Variants in ITGAL observed in about 807,000 individuals in gnomAD.
The protein encoded by ITGAL is integrin subunit alpha L, also known as integrin alpha-L.
ITGAL carries 68 observed loss-of-function variants against 138.4 expected under a neutral mutation model. That is an observed-to-expected ratio of 0.49 (90% CI 0.40 to 0.60). The LOEUF is 0.60. Among genes scored for constraint, ITGAL ranks in the 20% least tolerant of loss-of-function variants. ITGAL has a pLI of 0.00. For missense variants in ITGAL, 1,256 were observed against 1,478.6 expected (o/e 0.85, Z 2.47); for synonymous variants, 561 against 584.3 (o/e 0.96, Z 0.57).
intron 15 of ITGAL, among the ~76,000 whole-genome samples, chr16:30,496,845 T>C (rs1164507639): frequency 6.6e-6 from 1 of 151,250 alleles, no homozygotes; most frequent in Non-Finnish European, 1.5e-5. Flanking sequence ...GGGACTTACT[T>C]TGTTGCCCCA....
At chr16:30,488,995 A>G (rs1597075914) in intron 9 of ITGAL, 87 bp from the exon 10 acceptor site, 10 of 1,041,206 alleles carry the variant, frequency 9.6e-6, no homozygotes, top group African/African-American at 1.6e-5. Flanking sequence ...AGAAGTAAAT[A>G]CCTCACTTCT....
intron 17 of ITGAL, 99 bp from the exon 18 acceptor site, chr16:30,504,076 G>C (rs2050946984): frequency 1.1e-6 from 1 of 944,758 alleles, no homozygotes; most frequent in Admixed American, 1.8e-5. Flanking sequence ...AGAACTACCA[G>C]AATTTCATCA....
intron 30 of ITGAL, among the ~76,000 whole-genome samples, chr16:30,520,954 C>A (rs556446437): frequency 3.7e-4 from 57 of 152,138 alleles, no homozygotes; most frequent in Non-Finnish European, 6.6e-4. Context: ...CATGGTGGCG[C>A]ATGCCTGTAA....
chr16:30,485,515 C>T (rs2050634331), intron 9 of ITGAL, among the ~76,000 whole-genome samples: 1 of 151,976 alleles, frequency 6.6e-6, no homozygotes, highest in Non-Finnish European at 1.5e-5. Flanking sequence ...AGCCACTGCG[C>T]CCAGCCTCTT....
At position 30,494,600 on chromosome 16, in the gene ITGAL, G is replaced by A; in HGVS notation, c.1366-113G>A. The A allele has an allele frequency of 7.4e-7, 1 of 1,343,182 alleles. No individual in the cohort carries two copies. Among genetic ancestry groups the A allele is most frequent in the South Asian group, 1.5e-5 (1 of 64,908 alleles). The allele number at this position is 1,343,182 out of a possible 1,614,324, so 83.2% of individuals were successfully genotyped here. ...GCACATAGACTAGGGGTGGATCCAA[G>A]ATTGGAACCTGCATTTGAGGGAGTG... On this transcript the variant is annotated intron_variant, in intron 12 of 30. Transcript: ENST00000356798. The surrounding 1 kb of genome is among the most constrained non-coding windows in gnomAD (Gnocchi z 4.2).
chr16:30,501,260 T>G (rs1256934324), intron 17 of ITGAL, among the ~76,000 whole-genome samples: 1 of 152,136 alleles, frequency 6.6e-6, no homozygotes, highest in African/African-American at 2.4e-5. Flanking sequence ...TACACAGCTT[T>G]CATAATTTTT....
intron 4 of ITGAL, among the ~76,000 whole-genome samples, chr16:30,478,056 G>A (rs533111546): frequency 6.6e-6 from 1 of 151,542 alleles, no homozygotes; most frequent in African/African-American, 2.4e-5. Flanking sequence ...GAAAGAAAAG[G>A]CTGGGTGCAG....
intron 9 of ITGAL, among the ~76,000 whole-genome samples, chr16:30,485,276 G>GAGTGCAGTTGCGCAGTCTCTGCTCACTTC (rs2050627652): frequency 6.9e-6 from 1 of 144,838 alleles, no homozygotes; most frequent in African/African-American, 2.6e-5. Flanking sequence ...GCCCAGGCTG[G>GAGTGCAGTTGCGCAGTCTCTGCTCACTTC]AGTGCAGTGG....
chr16:30,476,273 T>A (rs2151141713), intron 4 of ITGAL, among the ~76,000 whole-genome samples: 1 of 151,624 alleles, frequency 6.6e-6, no homozygotes, highest in African/African-American at 2.4e-5. Context: ...AGAATCTTCC[T>A]GCCTCAGCTT....
intron 7 of ITGAL, 23 bp from the exon 8 acceptor site, chr16:30,483,804 A>G (rs1172851402): frequency 6.3e-7 from 1 of 1,593,588 alleles, no homozygotes; most frequent in East Asian, 2.3e-5. Flanking sequence ...GGAGTCTCTC[A>G]TCTCCTCCTT....
chr16:30,517,124 A>G (rs1317011481), intron 26 of ITGAL, 38 bp downstream of exon 26: 1 of 1,345,484 alleles, frequency 7.4e-7, no homozygotes, highest in Non-Finnish European at 1.0e-6. Flanking sequence ...TACCCTCCTC[A>G]GGTCTTGGGG....
intron 24 of ITGAL, among the ~76,000 whole-genome samples, chr16:30,511,612 C>T (rs957678686): frequency 4.6e-5 from 7 of 152,310 alleles, no homozygotes; most frequent in African/African-American, 1.7e-4. Flanking sequence ...CTGTTTCAGT[C>T]ACCCTAGATT....
At chr16:30,514,269 C>T (rs1299454971) in intron 25 of ITGAL, among the ~76,000 whole-genome samples, 2 of 151,774 alleles carry the variant, frequency 1.3e-5, no homozygotes, top group African/African-American at 4.8e-5. Context: ...CACCACCATG[C>T]CCAGCTAATT....
At position 30,481,459 on chromosome 16, in the gene ITGAL, C is replaced by T; in HGVS notation, c.597C>T (p.Ser199=). ...TSYQFAAVQF[S]TSYKTEFDFS... ...TCTAGTTTGCTGCTGTTCAGTTTTC[C>T]ACAAGCTACAAAACAGAATTTGATT... Residue 199 remains serine (S), a synonymous_variant, in exon 7 of 31, where the codon TCC becomes TCT. Transcript: ENST00000356798. The T allele has an allele frequency of 1.2e-6, 2 of 1,611,788 alleles. No individual in the cohort carries two copies. Among genetic ancestry groups the T allele is most frequent in the Non-Finnish European group, 1.7e-6 (2 of 1,178,936 alleles).
chr16:30,521,162 T>G (rs1174755973), intron 30 of ITGAL, among the ~76,000 whole-genome samples: 1 of 152,026 alleles, frequency 6.6e-6, no homozygotes, highest in Admixed American at 6.6e-5. Flanking sequence ...ATCCCAGCAC[T>G]TTGGGAGGCC....
At position 30,511,094 on chromosome 16, in the gene ITGAL, C is replaced by T. The variant is rs765387236; in HGVS notation, c.2744C>T (p.Thr915Ile). ...SDLLEDNSAT[T>I]IIPILYPINI... is the part of the protein sequence containing the mutation. ...CTCCTGGAGGACAACTCAGCCACTA[C>T]CATCATCCCCATCCTGTACCCCATC... Residue 915 changes from threonine (T) to isoleucine (I), a missense_variant, in exon 24 of 31, where the codon ACC becomes ATC. Physicochemically the swap from Thr to Ile is moderately conservative, Grantham distance 89. Transcript: ENST00000356798. 1.2e-6 allele frequency: 2 copies of T among 1,613,940 alleles called. No individual in the cohort carries two copies. The highest frequency in any genetic ancestry group is 1.1e-5 in the South Asian group (1 of 91,064).
intron 26 of ITGAL, among the ~76,000 whole-genome samples, 185 bp from the exon 27 acceptor site, chr16:30,517,464 A>G (rs1395594011): frequency 6.6e-6 from 1 of 152,032 alleles, no homozygotes; most frequent in East Asian, 1.9e-4. Flanking sequence ...TCTCTAACAA[A>G]GAAAAAAAAA....
rs916496389 is a variant in ITGAL at position 30,513,834 on chromosome 16, G to A, written c.2850G>A (p.Lys950=). Residue 950 remains lysine, a synonymous_variant, in exon 25 of 31, where the codon AAG becomes AAA. Transcript: ENST00000356798. ...TPKGPKIHQV[K]HMYQVRIQPS... ...AAGGCCCCAAGATCCACCAAGTCAA[G>A]CACATGTACCAGGTATGAATCCCAA... is the stretch of plus-strand genomic sequence containing the variant. 6.2e-7 allele frequency: 1 copy of A among 1,610,264 alleles called. No individual in the cohort carries two copies. The highest frequency in any genetic ancestry group is 8.5e-7 in the Non-Finnish European group (1 of 1,176,516).
At chr16:30,484,653 T>G (rs2050613342) in intron 9 of ITGAL, among the ~76,000 whole-genome samples, 1 of 151,602 alleles carries the variant, frequency 6.6e-6, no homozygotes. Flanking sequence ...ACGCGGTGGC[T>G]CACACCTGTA....
Sources: gnomAD v4.1 joint callset for allele counts (sites outside exome capture counted in the v4.1 genomes callset) on GRCh38, gnomAD v4.1.1 for gene constraint, Gnocchi (gnomAD v3.1) non-coding constraint, MANE v1.5 for transcripts, NCBI Gene and HGNC (gene_info 2026-07-23, HGNC 2026-07-21) for gene names.